MSRA: variants seen among roughly 807,000 people sequenced by gnomAD.
The protein encoded by MSRA is methionine sulfoxide reductase A.
A neutral mutation model predicts 31.3 loss-of-function variants in MSRA; 54 were observed. The ratio of observed to expected loss-of-function variants is 1.73; its 90% CI spans 1.39 to 2.17. MSRA has a LOEUF of 2.17. MSRA is among the 30% of genes most tolerant of loss of function. The probability of loss-of-function intolerance (pLI) is 0.00; values close to 1 mark genes in which losing one functional copy is unlikely to be tolerated. For missense variants in MSRA, 507 were observed against 300.9 expected, an observed-to-expected ratio of 1.69 and a Z score of -5.07; for synonymous variants, 169 against 116.5, an observed-to-expected ratio of 1.45 and a Z score of -2.90.
At chr8:10,427,384 G>C (rs370141176) in intron 5 of MSRA, among the ~76,000 whole-genome samples, 2 of 152,194 alleles carry the variant, frequency 1.3e-5, no homozygotes, top group African/African-American at 2.4e-5. Context: ...TCCTTTCCCA[G>C]CTTGTGTTGA....
chr8:10,326,145 C>T (rs990936275), intron 5 of MSRA, among the ~76,000 whole-genome samples: 1 of 152,190 alleles, frequency 6.6e-6, no homozygotes, highest in South Asian at 2.1e-4. Flanking sequence ...ACTTAGGTTA[C>T]TAATTTAATA....
At chr8:10,260,323 A>T (rs1369965768) in intron 3 of MSRA, among the ~76,000 whole-genome samples, 1 of 152,176 alleles carries the variant, frequency 6.6e-6, no homozygotes, top group East Asian at 1.9e-4. Context: ...GGGGCACGGC[A>T]TCCTGGTTAG....
At chr8:10,088,090 A>G (rs1181160848) in intron 1 of MSRA, among the ~76,000 whole-genome samples, 1 of 151,634 alleles carries the variant, frequency 6.6e-6, no homozygotes, top group Non-Finnish European at 1.5e-5. Flanking sequence ...AGTTTGAAAA[A>G]CCCCAGGTAT....
intron 5 of MSRA, among the ~76,000 whole-genome samples, chr8:10,404,345 G>A (rs1313389596): frequency 2.0e-5 from 3 of 152,154 alleles, no homozygotes; most frequent in South Asian, 2.1e-4. Flanking sequence ...CCCCAGCCCC[G>A]TGACAAACGA....
At chr8:10,218,588 C>T (rs947794916) in intron 2 of MSRA, among the ~76,000 whole-genome samples, 1 of 152,150 alleles carries the variant, frequency 6.6e-6, no homozygotes, top group African/African-American at 2.4e-5. Flanking sequence ...AGAGACTTCT[C>T]TTTATCAACT....
chr8:10,116,510 T>C (rs1186437967), intron 1 of MSRA, among the ~76,000 whole-genome samples: 1 of 152,226 alleles, frequency 6.6e-6, no homozygotes, highest in Non-Finnish European at 1.5e-5. Context: ...GAGGTGGTCC[T>C]TGCCCTTGAG....
intron 2 of MSRA, among the ~76,000 whole-genome samples, chr8:10,212,699 T>C (rs1163120636): frequency 6.6e-6 from 1 of 152,198 alleles, no homozygotes; most frequent in Non-Finnish European, 1.5e-5. Flanking sequence ...GGATGTAGGG[T>C]AATGAATTCT....
At chr8:10,194,377 T>G (rs1905633) in intron 1 of MSRA, among the ~76,000 whole-genome samples, 71,614 of 151,886 alleles carry the variant, frequency 0.47, 17,059 homozygotes, top group South Asian at 0.59. Context: ...GGCCAGCCTG[T>G]TCAACATGGT....
chr8:10,233,962 C>G (rs189223735), intron 2 of MSRA, among the ~76,000 whole-genome samples: 25 of 152,058 alleles, frequency 1.6e-4, no homozygotes, highest in African/African-American at 5.5e-4. Context: ...AAGAAATGAC[C>G]ATCAGACTGA....
At chr8:10,346,732 T>C (rs916956558) in intron 5 of MSRA, among the ~76,000 whole-genome samples, 1 of 152,212 alleles carries the variant, frequency 6.6e-6, no homozygotes, top group Non-Finnish European at 1.5e-5. Flanking sequence ...TTTAGCTTTC[T>C]TGGGTTAGTC....
chr8:10,383,901 C>T (rs10283145), intron 5 of MSRA, among the ~76,000 whole-genome samples: 72,396 of 151,900 alleles, frequency 0.48, 18,294 homozygotes, highest in African/African-American at 0.56. Context: ...ATATTAGGGA[C>T]GGGAAGAACA....
At chr8:10,307,724 C>CT (rs1801217212) in intron 4 of MSRA, among the ~76,000 whole-genome samples, 1 of 152,170 alleles carries the variant, frequency 6.6e-6, no homozygotes, top group Non-Finnish European at 1.5e-5. Flanking sequence ...TCCCAGAGGA[C>CT]TGTGGTCTGG....
At chr8:10,105,636 G>A (rs1246775431) in intron 1 of MSRA, among the ~76,000 whole-genome samples, 1 of 152,102 alleles carries the variant, frequency 6.6e-6, no homozygotes, top group African/African-American at 2.4e-5. Context: ...TCTGATTATA[G>A]TGCTTTCTAT....
intron 1 of MSRA, among the ~76,000 whole-genome samples, chr8:10,143,490 T>G (rs1161204932): frequency 6.6e-6 from 1 of 152,210 alleles, no homozygotes; most frequent in Non-Finnish European, 1.5e-5. Context: ...GTTATTCCCC[T>G]TTCATCACGA....
intron 1 of MSRA, among the ~76,000 whole-genome samples, chr8:10,180,723 A>G (rs1806465088): frequency 1.3e-5 from 2 of 152,162 alleles, no homozygotes; most frequent in Non-Finnish European, 2.9e-5. Flanking sequence ...TCATAATTGT[A>G]TATATTTCGT....
chr8:10,397,736 G>T (rs1215000617), intron 5 of MSRA, among the ~76,000 whole-genome samples: 4 of 152,198 alleles, frequency 2.6e-5, no homozygotes, highest in Non-Finnish European at 4.4e-5. Flanking sequence ...AATATTTTGC[G>T]TGGAACATGA....
chr8:10,118,983 C>T (rs113819734), intron 1 of MSRA, among the ~76,000 whole-genome samples: 44 of 152,280 alleles, frequency 2.9e-4, no homozygotes, highest in African/African-American at 1.0e-3. Context: ...ATGATCTCAG[C>T]GTTCATGAAG....
At chr8:10,369,593 A>G (rs988300260) in intron 5 of MSRA, among the ~76,000 whole-genome samples, 1 of 152,232 alleles carries the variant, frequency 6.6e-6, no homozygotes, top group East Asian at 1.9e-4. Context: ...AGAAAAGGTA[A>G]TATAAAAGGA....
chr8:10,197,849 A>G (rs1808131093), intron 1 of MSRA, among the ~76,000 whole-genome samples: 1 of 152,176 alleles, frequency 6.6e-6, no homozygotes, highest in South Asian at 2.1e-4. Flanking sequence ...AGTGTGCGTC[A>G]CTTGGGGCAG....
Sources: allele counts gnomAD v4.1 joint callset (sites outside exome capture counted in the v4.1 genomes callset), GRCh38; gene constraint gnomAD v4.1.1; transcripts MANE v1.5; gene names NCBI Gene and HGNC (gene_info 2026-07-23, HGNC 2026-07-21).